Variants in RIF1 observed in about 807,000 individuals in gnomAD.
The protein encoded by RIF1 is telomere-associated protein RIF1.
In RIF1, 45 loss-of-function variants were observed where a neutral mutation model predicts 247.1. That is an observed-to-expected ratio of 0.18 (90% CI 0.14 to 0.23). The LOEUF (loss-of-function observed/expected upper bound fraction) is 0.23. Ranked by LOEUF, RIF1 falls within the 10% of genes least tolerant of loss-of-function variation. The probability of loss-of-function intolerance (pLI) is 1.00; values close to 1 mark genes in which losing one functional copy is unlikely to be tolerated. For missense variants in RIF1, 2,967 were observed against 2,862.5 expected, an observed-to-expected ratio of 1.04 and a Z score of -0.83; for synonymous variants, 1,087 against 978.8, an observed-to-expected ratio of 1.11 and a Z score of -2.06.
At chr2:151,425,540 G>A (rs1231101030) in intron 8 of RIF1, among the ~76,000 whole-genome samples, 2 of 151,602 alleles carry the variant, frequency 1.3e-5, no homozygotes, top group African/African-American at 4.8e-5. Flanking sequence ...GAACCATTTT[G>A]AGTGAATATT....
chr2:151,497,450 G>T, intron 10 of RIF1: 1 of 981,750 alleles, frequency 1.0e-6, no homozygotes, highest in Non-Finnish European at 1.2e-6. Flanking sequence ...CTGTATTATA[G>T]AAATGGGAAT....
At chr2:151,485,723 T>G (rs1229967322), downstream of RIF1, 1 of 1,566,852 alleles carries the variant, frequency 6.4e-7, no homozygotes, top group East Asian at 2.3e-5. Flanking sequence ...CTGCAGGATC[T>G]GTAAGTCCTG....
rs950026794 is a variant in RIF1 at position 151,479,089 on chromosome 2, T to C, written c.*4018T>C. 1.3e-5 allele frequency: 2 copies of C among 152,154 alleles called. No homozygotes were observed. The highest frequency in any genetic ancestry group is 6.5e-5 in the Admixed American group (1 of 15,270). 9.4% of individuals were successfully genotyped at this position (152,154 alleles called of 1,614,324 possible). On this transcript the variant is annotated 3_prime_UTR_variant, in exon 36 of 36. Transcript: ENST00000444746. ...GCCCCGTGAGTCTTTTTAAACACAGTCCCAGGTGATTCATGCAGATGCCTG... is the reference window on the plus strand; with the variant it reads ...GCCCCGTGAGTCTTTTTAAACACAGCCCCAGGTGATTCATGCAGATGCCTG...
chr2:151,532,943 A>G, the RIF1 span, among the ~76,000 whole-genome samples: 1 of 152,168 alleles, frequency 6.6e-6, no homozygotes, highest in African/African-American at 2.4e-5. Flanking sequence ...TGTGCTGGAA[A>G]TAACCTAGCA....
chr2:151,460,027 A>T lies in RIF1; in HGVS notation c.2983A>T (p.Ile995Leu). 1 of 1,557,546 alleles carries T rather than the reference A, an allele frequency of 6.4e-7. No homozygotes were observed. Among genetic ancestry groups the T allele is most frequent in the Non-Finnish European group, 8.7e-7 (1 of 1,143,952 alleles). ...AGAAAATTCACAACTAAATGTGAAG[A>T]TAAGTGGCATGGAGAGAAAATCAAA... ...GTENSQLNVK[I>L]SGMERKSNGK... Residue 995 changes from isoleucine (I) to leucine (L), a missense_variant, in exon 26 of 36, where the codon ATA (isoleucine) becomes TTA (leucine). By Grantham distance (5) the Ile-to-Leu change is conservative. Transcript: ENST00000444746.
downstream of RIF1, among the ~76,000 whole-genome samples, chr2:151,484,726 T>C (rs539447448): frequency 6.6e-6 from 1 of 152,366 alleles, no homozygotes; most frequent in South Asian, 2.1e-4. Context: ...GATGGAAGAC[T>C]TGGGAGCAGG....
Position 151,458,296 on chromosome 2 carries a change from G to A in RIF1, c.2855+333G>A, listed in dbSNP as rs1342652769. On this transcript the variant is annotated intron_variant, in intron 24 of 35. Transcript: ENST00000444746. ...CGCCCAGGCTGGAGTGCAGTGGTGC[G>A]ATCTGGGCTCACTGCAAGCTCTGCC... 4.8e-5 allele frequency among the ~76,000 whole-genome samples: 7 copies of A among 145,688 alleles called. No homozygotes were observed. The East Asian group carries it at 8.1e-4, about 17-fold the overall frequency.
At chr2:151,462,611 C>A in intron 29 of RIF1, 145 bp downstream of exon 29, 1 of 595,280 alleles carries the variant, frequency 1.7e-6, no homozygotes. Flanking sequence ...TTTTAACTCC[C>A]ATTCAGATAC....
chr2:151,452,857 A>G (rs1427999399), intron 21 of RIF1, among the ~76,000 whole-genome samples: 2 of 152,240 alleles, frequency 1.3e-5, no homozygotes, highest in African/African-American at 2.4e-5. Context: ...TTAACCGAAT[A>G]TCCAATTCAG....
chr2:151,435,311 C>T, intron 10 of RIF1, 152 bp from the exon 11 acceptor site: 2 of 576,636 alleles, frequency 3.5e-6, no homozygotes, highest in East Asian at 2.7e-5. Flanking sequence ...ATATTTTTTC[C>T]AAATTCCACT....
chr2:151,494,028 G>C, intron 9 of RIF1: 3 of 910,356 alleles, frequency 3.3e-6, no homozygotes, highest in Admixed American at 2.2e-5. Flanking sequence ...AGTAAATGTA[G>C]TGTGATATTT....
Position 151,459,116 on chromosome 2 carries a change from G to A in RIF1, c.2955+206G>A, listed in dbSNP as rs905973590. Among the ~76,000 whole-genome samples the A allele has an allele frequency of 5.9e-5, 9 of 152,082 alleles. No individual in the cohort carries two copies. The East Asian group carries it at 1.7e-3, about 29-fold the overall frequency. The stretch of plus-strand genomic sequence containing the variant: ...CTCTAATTCTTGTCATTAATCATTT[G>A]TTTTGAACTCGGGTACCTCATCTGT... On this transcript the variant is annotated intron_variant, in intron 25 of 35. Coordinates refer to ENST00000444746, the MANE Select transcript of RIF1 (RefSeq NM_018151.5).
Position 151,493,340 on chromosome 2 carries a change from T to C in RIF1, c.*416-1889T>C, listed in dbSNP as rs1357923263. ...AAGTTGTTGCACTATTTCTTTTTAG[T>C]CCTAGAAAATACCGAGCTAATGTTT... On this transcript the variant is annotated intron_variant and NMD_transcript_variant, in intron 9 of 13. Coordinates refer to the RIF1 transcript ENST00000454583. 3.2e-6 allele frequency: 5 copies of C among 1,581,358 alleles called. No homozygotes were observed. In the Admixed American group the frequency reaches 8.4e-5, roughly 26 times the overall value.
the RIF1 span, chr2:151,518,420 G>A: frequency 1.9e-6 from 3 of 1,589,528 alleles, no homozygotes; most frequent in Non-Finnish European, 1.7e-6. Flanking sequence ...TCTTGTACTG[G>A]TACTGAGGGG....
chr2:151,463,224 T>G lies in RIF1; in HGVS notation c.3704T>G (p.Phe1235Cys), dbSNP rs375607064. 1 of 1,614,092 alleles carries G rather than the reference T, an allele frequency of 6.2e-7. No homozygotes were observed. Among genetic ancestry groups the G allele is most frequent in the Non-Finnish European group, 8.5e-7 (1 of 1,179,970 alleles). ...EKFDGSENRP[F>C]SPSPLNNISS... ...TTTGATGGTTCAGAAAATAGACCTT[T>G]TAGTCCATCCCCCTTGAATAATATT... Residue 1235 changes from phenylalanine to cysteine, a missense_variant, in exon 30 of 36, where the codon TTT becomes TGT. This residue lies in a region of RIF1 where 2,028 missense variants were observed against 1,825.6 expected (regional missense o/e 1.11). Coordinates refer to ENST00000444746, the MANE Select transcript of RIF1 (RefSeq NM_018151.5).
At chr2:151,491,583 A>G (rs1013923835) in intron 9 of RIF1, 5 of 1,005,856 alleles carry the variant, frequency 5.0e-6, no homozygotes, top group Non-Finnish European at 7.6e-6. Flanking sequence ...GAAAATGGAA[A>G]ACTCTGGAGG....
intron 30 of RIF1, among the ~76,000 whole-genome samples, chr2:151,467,231 G>C (rs1417048674): frequency 6.7e-6 from 1 of 150,108 alleles, no homozygotes; most frequent in Non-Finnish European, 1.5e-5. Flanking sequence ...CTCAAAAAAA[G>C]AAAAAAAAAT....
intron 18 of RIF1, among the ~76,000 whole-genome samples, chr2:151,444,905 C>T (rs1271909375): frequency 6.6e-6 from 1 of 152,188 alleles, no homozygotes; most frequent in South Asian, 2.1e-4. Context: ...TGGAGACCAG[C>T]TATCCAAAAT....
intron 12 of RIF1, chr2:151,506,037 G>T: frequency 1.2e-6 from 1 of 813,484 alleles, no homozygotes; most frequent in Non-Finnish European, 2.2e-6. Context: ...TGTGGTGGTG[G>T]TACACAGGCA....
Sources: gnomAD v4.1 joint callset for allele counts (sites outside exome capture counted in the v4.1 genomes callset) on GRCh38, gnomAD v4.1.1 for gene constraint, gnomAD v4.1.1 regional missense constraint, MANE v1.5 for transcripts, NCBI Gene and HGNC (gene_info 2026-07-23, HGNC 2026-07-21) for gene names.